The following VMP1 variants were observed in gnomAD, a reference collection of about 807,000 sequenced individuals.
VMP1 encodes vacuole membrane protein 1.
Under a neutral mutation model 56.0 loss-of-function variants are expected in VMP1, and 11 were observed. That is an observed-to-expected ratio of 0.20 (90% CI 0.12 to 0.32). The LOEUF (loss-of-function observed/expected upper bound fraction) is 0.32, where lower values mean the gene tolerates loss of function less well. Ranked by LOEUF, VMP1 falls within the 10% of genes least tolerant of loss-of-function variation. VMP1 has a pLI of 1.00. For missense variants in VMP1, 296 were observed against 490.3 expected, an observed-to-expected ratio of 0.60 and a Z score of 3.74; for synonymous variants, 149 against 165.0, an observed-to-expected ratio of 0.90 and a Z score of 0.74.
At position 59,737,540 on chromosome 17, in the gene VMP1, A is replaced by G. The variant is rs769934426; in HGVS notation, c.300A>G (p.Gln100=). ...IATYYVEGVH[Q]QYVQRIEKQF... Reference sequence around the variant, plus strand: ...CGTATTATGTTGAAGGAGTGCATCAACAGGTGAGAGGTCGAGCAATTCTGT... The same window carrying G: ...CGTATTATGTTGAAGGAGTGCATCAGCAGGTGAGAGGTCGAGCAATTCTGT... The change falls in exon 4 of 12, where the codon CAA becomes CAG. Residue 100 remains glutamine, a synonymous_variant. Transcript: ENST00000262291. 3 of 1,606,576 alleles carry G rather than the reference A, an allele frequency of 1.9e-6. No individual in the cohort carries two copies. The highest frequency in any genetic ancestry group is 2.2e-5 in the South Asian group (2 of 89,032).
intron 9 of VMP1, among the ~76,000 whole-genome samples, chr17:59,814,773 T>C (rs2038169082): frequency 6.6e-6 from 1 of 152,220 alleles, no homozygotes. Context: ...AATCCATTTA[T>C]GTTTCTGAAA....
At position 59,748,813 on chromosome 17, in the gene VMP1, CAAT is replaced by C. The variant is rs375976058; in HGVS notation, c.414+9867_414+9869del. Among the ~76,000 whole-genome samples the C allele has an allele frequency of 4.1e-3, 626 of 151,986 alleles. 2 individuals are homozygous for C. The highest frequency in any genetic ancestry group is 0.014 in the African/African-American group (599 of 41,464). ...AAACCACTGATCATTTCATTTCCAA[CAAT>C]GATGACTAGGCAATTTGGACCAACT... On this transcript the variant is annotated intron_variant, in intron 5 of 11. Coordinates refer to ENST00000262291, the MANE Select transcript of VMP1 (RefSeq NM_030938.5).
chr17:59,731,442 A>G lies in VMP1; in HGVS notation c.-5A>G, dbSNP rs373463412. 8 of 1,594,146 alleles carry G rather than the reference A, an allele frequency of 5.0e-6. No individual in the cohort carries two copies. The highest frequency in any genetic ancestry group is 6.0e-6 in the Non-Finnish European group (7 of 1,173,132). On this transcript the variant is annotated 5_prime_UTR_variant, in exon 2 of 12. An upstream start codon of the reference 5' UTR is lost. Transcript: ENST00000262291. ...TTAGCTCCTCAAGAGTTACTGATCT[A>G]TGAAATGGCAGAGAATGGAAAAAAT...
chr17:59,838,488 G>C, intron 11 of VMP1, 91 bp downstream of exon 11: 6 of 1,338,442 alleles, frequency 4.5e-6, no homozygotes, highest in Non-Finnish European at 6.3e-6. Flanking sequence ...AGGCAAATAA[G>C]TGAAGTTGGT....
chr17:59,768,400 C>T (rs2036306408), intron 6 of VMP1, among the ~76,000 whole-genome samples: 2 of 149,182 alleles, frequency 1.3e-5, no homozygotes, highest in South Asian at 4.3e-4. Flanking sequence ...GTCAGGAGTT[C>T]GAGACCAGCC....
At position 59,801,367 on chromosome 17, in the gene VMP1, T is replaced by G. The variant is rs143569955; in HGVS notation, c.715-7429T>G. On this transcript the variant is annotated intron_variant, in intron 7 of 11. Coordinates refer to ENST00000262291, the MANE Select transcript of VMP1 (RefSeq NM_030938.5). Reference sequence around the variant, plus strand: ...CTCTGGCAATCCTCCTGCCTCAGTATCCCGAGTAACTGGGAACACAGACTT... The same window carrying G: ...CTCTGGCAATCCTCCTGCCTCAGTAGCCCGAGTAACTGGGAACACAGACTT... 1.6e-3 allele frequency among the ~76,000 whole-genome samples: 236 copies of G among 151,080 alleles called. 4 individuals carry two copies. In the South Asian group the frequency reaches 0.022, roughly 14 times the overall value.
At chr17:59,711,832 A>T (rs1055451971) in intron 1 of VMP1, among the ~76,000 whole-genome samples, 12 of 152,184 alleles carry the variant, frequency 7.9e-5, no homozygotes, top group African/African-American at 2.4e-4. Context: ...TGTATTCTTG[A>T]ACTACTTAAT....
intron 5 of VMP1, among the ~76,000 whole-genome samples, chr17:59,752,964 A>G (rs184072460): frequency 6.6e-6 from 1 of 152,264 alleles, no homozygotes; most frequent in Non-Finnish European, 1.5e-5. Flanking sequence ...ATTATGCACA[A>G]TAAAATTTAT....
At chr17:59,714,340 C>T (rs1371955895) in intron 1 of VMP1, among the ~76,000 whole-genome samples, 4 of 151,952 alleles carry the variant, frequency 2.6e-5, no homozygotes, top group Admixed American at 2.0e-4. Flanking sequence ...ATCCATTAAC[C>T]CATTAATTTA....
intron 11 of VMP1, 53 bp downstream of exon 11, chr17:59,838,450 T>C: frequency 6.4e-7 from 1 of 1,563,802 alleles, no homozygotes; most frequent in Non-Finnish European, 8.8e-7. Flanking sequence ...GGGCTGAAAT[T>C]ACATTCACAG....
Position 59,731,431 on chromosome 17 carries a change from G to A in VMP1, c.-16G>A. On this transcript the variant is annotated 5_prime_UTR_variant, in exon 2 of 12. Coordinates refer to ENST00000262291, the MANE Select transcript of VMP1 (RefSeq NM_030938.5). ...ATTTTGCTGTATTAGCTCCTCAAGA[G>A]TTACTGATCTATGAAATGGCAGAGA... The A allele has an allele frequency of 1.3e-6, 2 of 1,593,578 alleles. No homozygotes were observed. The highest frequency in any genetic ancestry group is 1.7e-6 in the Non-Finnish European group (2 of 1,171,970).
At chr17:59,749,076 A>T (rs2035543347) in intron 5 of VMP1, among the ~76,000 whole-genome samples, 1 of 149,282 alleles carries the variant, frequency 6.7e-6, no homozygotes, top group South Asian at 2.1e-4. Flanking sequence ...CAGCCTCCCC[A>T]GTAGCTGGAA....
chr17:59,839,442 CTCATGAGTA>C, intron 11 of VMP1: 3 of 260,026 alleles, frequency 1.2e-5, no homozygotes, highest in Non-Finnish European at 2.2e-5. Flanking sequence ...CTTGACAATA[CTCATGAGTA>C]TCTGCATGGC....
At chr17:59,801,670 G>C (rs566784686) in intron 7 of VMP1, among the ~76,000 whole-genome samples, 1 of 151,482 alleles carries the variant, frequency 6.6e-6, no homozygotes, top group African/African-American at 2.4e-5. Context: ...CGAGGCAGCC[G>C]GATCACCTGA....
chr17:59,766,795 T>C (rs980831331), intron 6 of VMP1, among the ~76,000 whole-genome samples: 1 of 152,110 alleles, frequency 6.6e-6, no homozygotes, highest in Non-Finnish European at 1.5e-5. Flanking sequence ...TTTTGCTTTT[T>C]TTTTGAGACA....
intron 10 of VMP1, among the ~76,000 whole-genome samples, chr17:59,823,477 C>T (rs2038524995): frequency 7.0e-6 from 1 of 143,216 alleles, no homozygotes; most frequent in South Asian, 2.2e-4. Flanking sequence ...GGGCCGGGGG[C>T]AGTGGCTCAT....
At chr17:59,820,182 CCCTCTCTGTGTTATCTGT>C (rs1463034181) in intron 10 of VMP1, among the ~76,000 whole-genome samples, 1 of 152,126 alleles carries the variant, frequency 6.6e-6, no homozygotes, top group Non-Finnish European at 1.5e-5. Flanking sequence ...GGTTTATAAG[CCCTCTCTGTGTTATCTGT>C]CCCCTCTAGT....
At chr17:59,800,266 T>C (rs573035796) in intron 7 of VMP1, among the ~76,000 whole-genome samples, 1 of 152,356 alleles carries the variant, frequency 6.6e-6, no homozygotes, top group East Asian at 1.9e-4. Flanking sequence ...AAATATTTAA[T>C]GATACGTTAT....
At chr17:59,718,364 T>C (rs2034256167) in intron 1 of VMP1, among the ~76,000 whole-genome samples, 1 of 151,180 alleles carries the variant, frequency 6.6e-6, no homozygotes, top group African/African-American at 2.4e-5. Context: ...GCCCGGCTGA[T>C]TTTTTGTACT....
Sources: gnomAD v4.1 joint callset for allele counts (sites outside exome capture counted in the v4.1 genomes callset) on GRCh38, gnomAD v4.1.1 for gene constraint, MANE v1.5 for transcripts, NCBI Gene and HGNC (gene_info 2026-07-23, HGNC 2026-07-21) for gene names.